The following CLTCL1 variants were observed in gnomAD, a reference collection of about 807,000 sequenced individuals.
The protein encoded by CLTCL1 is clathrin heavy chain 2.
Under a neutral mutation model 190.0 loss-of-function variants are expected in CLTCL1, and 159 were observed. The observed-to-expected ratio is 0.84, with a 90% confidence interval of 0.74 to 0.95. The LOEUF is 0.95. Ranked by LOEUF, CLTCL1 falls within the 40% of genes least tolerant of loss-of-function variation. CLTCL1 has a pLI of 0.00. For synonymous variants in CLTCL1, 752 were observed against 769.6 expected (o/e 0.98, Z 0.38); for missense variants, 1,878 against 2,033.4 (o/e 0.92, Z 1.47).
Position 19,223,930 on chromosome 22 carries a change from G to C in CLTCL1, c.2253C>G (p.Ser751Arg). Residue 751 changes from serine to arginine, a missense_variant, in exon 14 of 33, where the codon AGC (serine) becomes AGG (arginine). Transcript: ENST00000427926. ...IKEVERICRE[S>R]SCYNPERVKN... ...TCACACGCTCTGGGTTGTAGCAGCT[G>C]CTCTCTCGGCATATCCTCTCCACCT... is the stretch of plus-strand genomic sequence containing the variant. 3 of 1,613,920 alleles carry C rather than the reference G, an allele frequency of 1.9e-6. No individual in the cohort carries two copies. In the South Asian group the frequency reaches 3.3e-5, roughly 18 times the overall value.
chr22:19,199,575 A>G (rs2084814583), intron 24 of CLTCL1, among the ~76,000 whole-genome samples, 159 bp downstream of exon 24: 1 of 152,202 alleles, frequency 6.6e-6, no homozygotes, highest in Non-Finnish European at 1.5e-5. Context: ...TTAGTTCATA[A>G]ATGACTGTCT....
intron 2 of CLTCL1, among the ~76,000 whole-genome samples, chr22:19,273,023 A>G (rs1555981448): frequency 6.6e-6 from 1 of 152,106 alleles, no homozygotes; most frequent in Non-Finnish European, 1.5e-5. Flanking sequence ...AATGGGAAAA[A>G]TCTGTGAGAT....
intron 3 of CLTCL1, among the ~76,000 whole-genome samples, chr22:19,244,216 A>G (rs2086348868): frequency 6.6e-6 from 1 of 152,192 alleles, no homozygotes; most frequent in Non-Finnish European, 1.5e-5. Context: ...CAAAGGCTTC[A>G]ACTTTGTCTT....
chr22:19,189,228 A>G (rs1224965828), intron 27 of CLTCL1, among the ~76,000 whole-genome samples: 2 of 152,308 alleles, frequency 1.3e-5, no homozygotes, highest in African/African-American at 4.8e-5. Context: ...TAAGACATCA[A>G]TGAGGTTTGC....
rs144508302 is a variant in CLTCL1, at chr22:19,278,758, T to C, written c.43-2928A>G. Among the ~76,000 whole-genome samples, 20 of 152,342 alleles carry C rather than the reference T, an allele frequency of 1.3e-4. No individual in the cohort carries two copies. The East Asian group carries it at 3.1e-3, about 24-fold the overall frequency. ...GTGGGGTTTTTGTTTTGCTTTGTTT[T>C]TGAGACGGAGTCTAGCCCTGTCCCC... On this transcript the variant is annotated intron_variant, in intron 1 of 32. Transcript: ENST00000427926.
intron 2 of CLTCL1, among the ~76,000 whole-genome samples, chr22:19,262,676 C>T (rs2086990376): frequency 6.6e-6 from 1 of 150,996 alleles, no homozygotes; most frequent in Admixed American, 6.6e-5. Flanking sequence ...CCTTCAGCCA[C>T]CACCACTGTG....
chr22:19,274,279 T>C (rs1473720719), intron 2 of CLTCL1, among the ~76,000 whole-genome samples: 1 of 152,092 alleles, frequency 6.6e-6, no homozygotes, highest in African/African-American at 2.4e-5. Context: ...CTGAACAACA[T>C]GGTGGGACCC....
intron 13 of CLTCL1, among the ~76,000 whole-genome samples, chr22:19,224,540 G>A (rs1157286240): frequency 6.6e-6 from 1 of 152,178 alleles, no homozygotes; most frequent in Admixed American, 6.5e-5. Flanking sequence ...GGCTAATGAT[G>A]TTCCTCATCA....
chr22:19,287,423 G>A (rs1411342190), intron 1 of CLTCL1, among the ~76,000 whole-genome samples: 2 of 152,180 alleles, frequency 1.3e-5, no homozygotes, highest in East Asian at 3.9e-4. Flanking sequence ...ATGTGTTTTG[G>A]CAAGGACACA....
At chr22:19,236,992 A>C (rs2086100837) in intron 5 of CLTCL1, among the ~76,000 whole-genome samples, 1 of 152,186 alleles carries the variant, frequency 6.6e-6, no homozygotes, top group Non-Finnish European at 1.5e-5. Context: ...ATAGGAATGA[A>C]AGAAAATATA....
At chr22:19,236,690 T>C (rs1044106160) in intron 5 of CLTCL1, among the ~76,000 whole-genome samples, 2 of 152,166 alleles carry the variant, frequency 1.3e-5, no homozygotes, top group Non-Finnish European at 2.9e-5. Flanking sequence ...CTAATGACTA[T>C]AGTCCCAGCT....
chr22:19,254,363 T>C, intron 2 of CLTCL1, 136 bp from the exon 3 acceptor site: 2 of 745,960 alleles, frequency 2.7e-6, no homozygotes, highest in Non-Finnish European at 4.3e-6. Context: ...GTCTGAAAGA[T>C]GCTGCCAGAG....
intron 2 of CLTCL1, among the ~76,000 whole-genome samples, chr22:19,255,692 C>T (rs953962230): frequency 3.3e-5 from 5 of 150,512 alleles, no homozygotes; most frequent in South Asian, 2.1e-4. Context: ...GGTAGATTAC[C>T]GGAGGTCAGG....
intron 23 of CLTCL1, among the ~76,000 whole-genome samples, chr22:19,200,907 A>G (rs2084861987): frequency 6.6e-6 from 1 of 152,186 alleles, no homozygotes; most frequent in African/African-American, 2.4e-5. Flanking sequence ...GCTAATTTTA[A>G]TCTTTCATTA....
chr22:19,206,031 A>G (rs1398153428), intron 22 of CLTCL1, among the ~76,000 whole-genome samples: 1 of 151,222 alleles, frequency 6.6e-6, no homozygotes, highest in African/African-American at 2.4e-5. Flanking sequence ...GCCTCCAGTG[A>G]GTCTCCCACC....
chr22:19,286,689 T>C (rs2087920776), intron 1 of CLTCL1, among the ~76,000 whole-genome samples: 1 of 152,112 alleles, frequency 6.6e-6, no homozygotes, highest in African/African-American at 2.4e-5. Flanking sequence ...CTTTCCCCCC[T>C]CTTTCCTTAA....
In CLTCL1 at chr22:19,235,356, T is replaced by C. The variant is rs8140405; in HGVS notation, c.969+340A>G. 5.7e-3 allele frequency among the ~76,000 whole-genome samples: 865 copies of C among 152,318 alleles called. 11 individuals are homozygous for C. The highest frequency in any genetic ancestry group is 0.019 in the African/African-American group (778 of 41,562). Reference sequence around the variant, plus strand: ...AGCCAAGAGTTTCTTCTTTTAACTATCTTTTTCAACTATGGTTGAGAAAAG... The same window carrying C: ...AGCCAAGAGTTTCTTCTTTTAACTACCTTTTTCAACTATGGTTGAGAAAAG... On this transcript the variant is annotated intron_variant, in intron 6 of 32. Coordinates refer to ENST00000427926, the MANE Select transcript of CLTCL1 (RefSeq NM_007098.4).
chr22:19,187,447 T>C, intron 29 of CLTCL1, 111 bp downstream of exon 29: 1 of 1,093,716 alleles, frequency 9.1e-7, no homozygotes, highest in South Asian at 1.5e-5. Flanking sequence ...GATCCCCTGG[T>C]GAAGCTCAGA....
chr22:19,181,680 G>A (rs538702941), intron 30 of CLTCL1: 179 of 152,378 alleles, frequency 1.2e-3, no homozygotes, highest in African/African-American at 3.4e-3. Context: ...CTTCTTGTCC[G>A]CGCCCTCATT....
Sources: allele counts gnomAD v4.1 joint callset (sites outside exome capture counted in the v4.1 genomes callset), GRCh38; gene constraint gnomAD v4.1.1; transcripts MANE v1.5; gene names NCBI Gene and HGNC (gene_info 2026-07-23, HGNC 2026-07-21).